Variants in NOTCH2NLA observed in about 807,000 individuals in gnomAD.
The protein encoded by NOTCH2NLA is notch 2 N-terminal like A.
intron 2 of NOTCH2NLA, among the ~76,000 whole-genome samples, chr1:146,188,026 T>TATAAC (rs1662869135): frequency 7.5e-6 from 1 of 133,328 alleles, no homozygotes; most frequent in Non-Finnish European, 1.7e-5. Context: ...AAATCTTGTT[T>TATAAC]ATAACATTAA....
intron 2 of NOTCH2NLA, among the ~76,000 whole-genome samples, chr1:146,180,153 G>T (rs1662472319): frequency 7.0e-6 from 1 of 143,078 alleles, no homozygotes; most frequent in South Asian, 2.1e-4. Flanking sequence ...CAGGATTATA[G>T]ACAGTGACTG....
chr1:146,221,927 TG>T (rs1265441320), intron 1 of NOTCH2NLA, among the ~76,000 whole-genome samples: 1 of 22,164 alleles, frequency 4.5e-5, no homozygotes, highest in Non-Finnish European at 1.0e-4. Flanking sequence ...CCTAATTGTG[TG>T]CTTATCTGTC....
chr1:146,171,974 GACA>G (rs1236726830), intron 2 of NOTCH2NLA, among the ~76,000 whole-genome samples: 124 of 138,668 alleles, frequency 8.9e-4, no homozygotes, highest in African/African-American at 3.1e-3. Flanking sequence ...CCTTGATTGA[GACA>G]ACTTTTACAT....
chr1:146,188,034 T>TA (rs1436348371), intron 2 of NOTCH2NLA, among the ~76,000 whole-genome samples: 1 of 132,216 alleles, frequency 7.6e-6, no homozygotes, highest in African/African-American at 2.5e-5. Flanking sequence ...TTTATAACAT[T>TA]AAAAAACTAA....
intron 3 of NOTCH2NLA, among the ~76,000 whole-genome samples, chr1:146,159,448 A>AAAGG: frequency 7.2e-6 from 1 of 138,982 alleles, no homozygotes; most frequent in Non-Finnish European, 1.6e-5. Context: ...AGAAAGAAAG[A>AAAGG]GAAAGAAAGA....
At chr1:146,203,611 T>TAA (rs1224566532) in intron 1 of NOTCH2NLA, among the ~76,000 whole-genome samples, 1 of 32,132 alleles carries the variant, frequency 3.1e-5, no homozygotes, top group African/African-American at 1.5e-4. Context: ...CCATAAGAGA[T>TAA]AAAGTATTTT....
In NOTCH2NLA at chr1:146,178,765, AG is replaced by A. The variant is rs1456827797; in HGVS notation, c.38+10534del. Among the ~76,000 whole-genome samples, 10 of 140,552 alleles carry A rather than the reference AG, an allele frequency of 7.1e-5. 4 individuals carry two copies. Among genetic ancestry groups the A allele is most frequent in the Non-Finnish European group, 1.6e-4 (10 of 61,402 alleles). The allele number at this position is 140,552 out of a possible 152,430, so 92.2% of individuals were successfully genotyped here. ...GATGACTGAGGTTTCAGAAAGGGCA[AG>A]TTGCCCCGTAAAATATTCTCAAGAT... On this transcript the variant is annotated intron_variant, in intron 2 of 4. Transcript: ENST00000362074.
rs1663995082 is a variant in NOTCH2NLA at position 146,219,248 on chromosome 1, TTTA to T, written c.-45+9458_-45+9460del. Among the ~76,000 whole-genome samples, 5 of 52,926 alleles carry T rather than the reference TTTA, an allele frequency of 9.4e-5. No homozygotes were observed. The South Asian group carries it at 2.9e-3, about 31-fold the overall frequency. The allele number at this position is 52,926 out of a possible 152,430, so 34.7% of individuals were successfully genotyped here. A position where few individuals can be genotyped will look rare whatever the true frequency, so the allele number is the denominator to read the frequency against. ...ACACTGCTTTTCTCCAACATATTTT[TTTA>T]TTAAGTATTAAAGTAAATGTCAATT... On this transcript the variant is annotated intron_variant, in intron 1 of 4. Coordinates refer to ENST00000362074, the Ensembl canonical transcript of NOTCH2NLA.
intron 2 of NOTCH2NLA, among the ~76,000 whole-genome samples, chr1:146,174,636 C>T (rs1662172545): frequency 1.4e-5 from 2 of 143,012 alleles, no homozygotes; most frequent in South Asian, 4.3e-4. Context: ...TAAAGCTCCT[C>T]TTTACTCCCT....
intron 2 of NOTCH2NLA, among the ~76,000 whole-genome samples, chr1:146,187,990 A>G (rs1311762171): frequency 1.5e-5 from 2 of 135,604 alleles, no homozygotes; most frequent in African/African-American, 5.0e-5. Flanking sequence ...ACTTTAGTGA[A>G]GAAAATTATT....
chr1:146,170,859 G>A (rs1224597291), intron 2 of NOTCH2NLA, among the ~76,000 whole-genome samples: 1 of 129,738 alleles, frequency 7.7e-6, no homozygotes, highest in Non-Finnish European at 1.8e-5. Flanking sequence ...TCAATGGTTT[G>A]GCATATTCCT....
At chr1:146,207,815 CTTTTTTTTT>C (rs74543040) in intron 1 of NOTCH2NLA, among the ~76,000 whole-genome samples, 2 of 72,222 alleles carry the variant, frequency 2.8e-5, no homozygotes, top group African/African-American at 5.6e-5. Flanking sequence ...ATACCACTTT[CTTTTTTTTT>C]TTTTTTTTTT....
rs1302660530 is a variant in NOTCH2NLA at position 146,228,939 on chromosome 1, C to T, written c.-275G>A. The stretch of plus-strand genomic sequence containing the variant: ...GCTCCGAAGCCCAGCGCAAATGCCT[C>T]GACTCCCCGCGCCCCGAGTCCGCCG... On this transcript the variant is annotated 5_prime_UTR_variant, in exon 1 of 5. Transcript: ENST00000362074. 3.4e-6 allele frequency: 5 copies of T among 1,451,808 alleles called. 1 individual carries two copies. Among genetic ancestry groups the T allele is most frequent in the African/African-American group, 3.1e-5 (2 of 65,546 alleles). 89.9% of individuals were successfully genotyped at this position (1,451,808 alleles called of 1,614,324 possible). A position where few individuals can be genotyped will look rare whatever the true frequency, so the allele number is the denominator to read the frequency against.
intron 2 of NOTCH2NLA, among the ~76,000 whole-genome samples, chr1:146,185,528 C>G (rs1689999): frequency 4.4e-5 from 6 of 136,674 alleles, no homozygotes; most frequent in South Asian, 2.3e-4. Flanking sequence ...GCTCCTAACA[C>G]TGAGAAAAAA....
intron 2 of NOTCH2NLA, among the ~76,000 whole-genome samples, chr1:146,185,923 T>C (rs1277700632): frequency 1.5e-5 from 2 of 135,958 alleles, no homozygotes; most frequent in South Asian, 2.3e-4. Context: ...AGCTAGATCA[T>C]CTTCTTTCTC....
At chr1:146,187,075 G>C (rs2102326696) in intron 2 of NOTCH2NLA, among the ~76,000 whole-genome samples, 1 of 124,904 alleles carries the variant, frequency 8.0e-6, no homozygotes, top group African/African-American at 2.6e-5. Flanking sequence ...TCCCCTCCCT[G>C]TGTCCATGTG....
intron 1 of NOTCH2NLA, chr1:146,228,354 G>A (rs184992727): frequency 0.025 from 24,468 of 977,520 alleles, 564 homozygotes; most frequent in Middle Eastern, 0.057. Context: ...CAGGAAACGC[G>A]GAACCTGAAG....
At chr1:146,224,339 TAGTAATAC>T (rs1305590802) in intron 1 of NOTCH2NLA, among the ~76,000 whole-genome samples, 3 of 74,484 alleles carry the variant, frequency 4.0e-5, no homozygotes, top group Non-Finnish European at 7.7e-5. Flanking sequence ...ATTGCTGGCC[TAGTAATAC>T]AGTAATACAG....
intron 2 of NOTCH2NLA, among the ~76,000 whole-genome samples, chr1:146,180,394 T>C (rs587657489): frequency 7.1e-6 from 1 of 141,744 alleles, no homozygotes; most frequent in African/African-American, 2.5e-5. Context: ...TAAAACTCTT[T>C]TCATAAAGAT....
Sources: allele counts gnomAD v4.1 joint callset (sites outside exome capture counted in the v4.1 genomes callset), GRCh38; gene constraint gnomAD v4.1.1; transcripts MANE v1.5; gene names NCBI Gene and HGNC (gene_info 2026-07-23, HGNC 2026-07-21).